The following PTPRJ variants were observed in gnomAD, a reference collection of about 807,000 sequenced individuals.
PTPRJ encodes receptor-type tyrosine-protein phosphatase eta.
PTPRJ carries 129 observed loss-of-function variants against 141.3 expected under a neutral mutation model. The observed-to-expected ratio is 0.91, with a 90% CI of 0.79 to 1.06. The LOEUF is 1.06. Ranked by LOEUF, PTPRJ falls within the 50% of genes least tolerant of loss-of-function variation. The pLI is 0.00. For missense variants in PTPRJ, 1,601 were observed against 1,679.7 expected (o/e 0.95, Z 0.82); for synonymous variants, 610 against 640.5 (o/e 0.95, Z 0.72).
intron 1 of PTPRJ, among the ~76,000 whole-genome samples, chr11:48,106,026 T>C (rs554577493): frequency 1.3e-5 from 2 of 152,274 alleles, no homozygotes; most frequent in South Asian, 2.1e-4. Context: ...CTCACCCTCA[T>C]TGAGTGTGTC....
intron 1 of PTPRJ, among the ~76,000 whole-genome samples, chr11:47,998,569 C>G (rs143412492): frequency 1.0e-3 from 154 of 152,292 alleles, no homozygotes; most frequent in African/African-American, 3.7e-3. Flanking sequence ...AACTTAGTAG[C>G]TTTCAAAGCT....
chr11:48,097,924 A>G (rs1375156598), intron 1 of PTPRJ, among the ~76,000 whole-genome samples: 1 of 152,116 alleles, frequency 6.6e-6, no homozygotes, highest in Non-Finnish European at 1.5e-5. Context: ...CTCCGTCCCT[A>G]GAGAGCTCAA....
At chr11:48,159,112 G>C (rs1488373580) in intron 21 of PTPRJ, among the ~76,000 whole-genome samples, 1 of 99,006 alleles carries the variant, frequency 1.0e-5, no homozygotes, top group East Asian at 3.0e-4. Flanking sequence ...GTGTGTGTGT[G>C]TGTATGTGGG....
At chr11:47,995,587 A>C (rs1323545506) in intron 1 of PTPRJ, among the ~76,000 whole-genome samples, 1 of 152,180 alleles carries the variant, frequency 6.6e-6, no homozygotes, top group African/African-American at 2.4e-5. Context: ...TGGATTTTAG[A>C]TCCTGGAGCT....
chr11:48,108,954 T>A (rs1256322512), intron 1 of PTPRJ, among the ~76,000 whole-genome samples: 1 of 152,130 alleles, frequency 6.6e-6, no homozygotes, highest in African/African-American at 2.4e-5. Context: ...TCTGTTCTCA[T>A]GGAGCACACA....
At position 48,163,506 on chromosome 11, in the gene PTPRJ, T is replaced by A. The variant is rs1467943678; in HGVS notation, c.3607T>A (p.Trp1203Arg). The change falls in exon 23 of 25, where the codon TGG (tryptophan) becomes AGG (arginine). Residue 1203 changes from tryptophan to arginine, a missense_variant. Coordinates refer to ENST00000418331, the MANE Select transcript of PTPRJ (RefSeq NM_002843.4). Reference protein sequence around the residue: ...HPLRQFHFTSWPDHGVPDTTD... With the variant: ...HPLRQFHFTSRPDHGVPDTTD... ...TCTGAGACAGTTCCATTTCACCTCCTGGCCAGACCACGGTGTTCCCGACAC... is the reference window on the plus strand; with the variant it reads ...TCTGAGACAGTTCCATTTCACCTCCAGGCCAGACCACGGTGTTCCCGACAC... The A allele has an allele frequency of 6.2e-7, 1 of 1,613,976 alleles. No individual in the cohort carries two copies. The highest frequency in any genetic ancestry group is 8.5e-7 in the Non-Finnish European group (1 of 1,179,972).
chr11:47,988,209 G>T (rs1196472917), intron 1 of PTPRJ, among the ~76,000 whole-genome samples: 5 of 152,058 alleles, frequency 3.3e-5, no homozygotes, highest in Admixed American at 3.3e-4. Context: ...TTCTTGGGGG[G>T]GAAAAGAAGA....
At chr11:48,082,929 AG>A (rs1371600689) in intron 1 of PTPRJ, among the ~76,000 whole-genome samples, 1 of 152,128 alleles carries the variant, frequency 6.6e-6, no homozygotes, top group Non-Finnish European at 1.5e-5. Flanking sequence ...TATGGGTGCA[AG>A]GGGTTGCAGA....
At chr11:48,013,016 A>C (rs1357237713) in intron 1 of PTPRJ, among the ~76,000 whole-genome samples, 1 of 150,372 alleles carries the variant, frequency 6.7e-6, no homozygotes, top group African/African-American at 2.5e-5. Context: ...GAGACAGGAG[A>C]ATTTCTTGAA....
chr11:48,012,411 G>A (rs1450411191), intron 1 of PTPRJ, among the ~76,000 whole-genome samples: 6 of 152,170 alleles, frequency 3.9e-5, no homozygotes, highest in East Asian at 1.9e-4. Context: ...ATTTCCCTGA[G>A]CACCTGCTCT....
At chr11:48,161,735 C>T (rs1388328814) in intron 22 of PTPRJ, among the ~76,000 whole-genome samples, 7 of 152,142 alleles carry the variant, frequency 4.6e-5, no homozygotes, top group African/African-American at 1.4e-4. Flanking sequence ...GCCTCAGCCT[C>T]CTGAGTAGCT....
rs117679206 is a variant in PTPRJ, at chr11:48,113,130, T to C, written c.352+147T>C. Reference sequence around the variant, plus strand: ...TATAAAGATAGTAATGCATATTCATTATATAAAACATAGACAAGAAAAGAA... The same window carrying C: ...TATAAAGATAGTAATGCATATTCATCATATAAAACATAGACAAGAAAAGAA... On this transcript the variant is annotated intron_variant, in intron 3 of 24. Transcript: ENST00000418331. 741 of 618,998 alleles carry C rather than the reference T, an allele frequency of 1.2e-3. 8 individuals carry two copies. The East Asian group carries it at 0.018, about 15-fold the overall frequency. 38.3% of individuals were successfully genotyped at this position (618,998 alleles called of 1,614,324 possible).
At chr11:48,105,247 C>T (rs901310490) in intron 1 of PTPRJ, among the ~76,000 whole-genome samples, 12 of 149,854 alleles carry the variant, frequency 8.0e-5, no homozygotes, top group Admixed American at 7.3e-4. Context: ...GCACCCAGAT[C>T]TTTCACTGCT....
intron 1 of PTPRJ, among the ~76,000 whole-genome samples, chr11:48,045,211 CTTT>C (rs1854359764): frequency 1.3e-5 from 2 of 152,206 alleles, no homozygotes; most frequent in South Asian, 4.1e-4. Context: ...CTTAGAACCT[CTTT>C]ATTTTATCTC....
At chr11:48,149,318 T>A (rs4752908) in intron 15 of PTPRJ, 129 bp from the exon 16 acceptor site, 40 of 684,064 alleles carry the variant, frequency 5.8e-5, no homozygotes, top group African/African-American at 4.0e-4. Flanking sequence ...TGGTGTCAGC[T>A]GTGAACTAAT....
At chr11:48,022,310 C>T (rs1189466261) in intron 1 of PTPRJ, among the ~76,000 whole-genome samples, 8 of 151,880 alleles carry the variant, frequency 5.3e-5, no homozygotes, top group African/African-American at 1.9e-4. Flanking sequence ...ACTAAAAATA[C>T]AAAATTAGCC....
chr11:48,014,145 T>C (rs1854889036), intron 1 of PTPRJ, among the ~76,000 whole-genome samples: 1 of 152,174 alleles, frequency 6.6e-6, no homozygotes, highest in Non-Finnish European at 1.5e-5. Context: ...ACTATCTCTC[T>C]ATGGGGTAGT....
chr11:48,093,793 T>TA (rs746278822), intron 1 of PTPRJ, among the ~76,000 whole-genome samples: 1,481 of 128,122 alleles, frequency 0.012, 14 homozygotes, highest in Middle Eastern at 0.038. Context: ...TTTGCTGCCC[T>TA]AAAAAAAAAA....
At position 48,081,423 on chromosome 11, in the gene PTPRJ, CAG is replaced by C. The variant is rs760323409; in HGVS notation, c.97-28634_97-28633del. Reference sequence around the variant, plus strand: ...GTGGAAACTGTGCTGGCAAGGCAAACAGGGAGGAGAGGAAGCTCCATGTGGGG... The same window carrying C: ...GTGGAAACTGTGCTGGCAAGGCAAACGGAGGAGAGGAAGCTCCATGTGGGG... On this transcript the variant is annotated intron_variant, in intron 1 of 24. Coordinates refer to ENST00000418331, the MANE Select transcript of PTPRJ (RefSeq NM_002843.4). Among the ~76,000 whole-genome samples, 39 of 152,152 alleles carry C rather than the reference CAG, an allele frequency of 2.6e-4. 1 individual carries two copies. The highest frequency in any genetic ancestry group is 4.4e-4 in the Non-Finnish European group (30 of 68,028).
Sources: gnomAD v4.1 joint callset for allele counts (sites outside exome capture counted in the v4.1 genomes callset) on GRCh38, gnomAD v4.1.1 for gene constraint, MANE v1.5 for transcripts, NCBI Gene and HGNC (gene_info 2026-07-23, HGNC 2026-07-21) for gene names.